The following TSPEAR variants were observed in gnomAD, a reference collection of about 807,000 sequenced individuals.
TSPEAR encodes the protein thrombospondin type laminin G domain and EAR repeats.
TSPEAR carries 69 observed loss-of-function variants against 71.6 expected under a neutral mutation model. The ratio of observed to expected loss-of-function variants is 0.96; its 90% CI spans 0.79 to 1.18. The LOEUF (loss-of-function observed/expected upper bound fraction) is 1.18, where lower values mean the gene tolerates loss of function less well. Among genes scored for constraint, TSPEAR ranks in the 50% most tolerant of loss-of-function variants. The pLI, the probability that TSPEAR is intolerant of heterozygous loss-of-function variation, is 0.00. For missense variants in TSPEAR, 971 were observed against 894.9 expected (o/e 1.09, Z -1.09); for synonymous variants, 402 against 387.2 (o/e 1.04, Z -0.45).
Position 44,499,690 on chromosome 21 carries a change from G to T in TSPEAR, c.*93C>A. ...GATGCCCAGGCCCGGGATGCCCTAGGCTGGGCCCACCTGGACGTCCAGGGT... is the reference window on the plus strand; with the variant it reads ...GATGCCCAGGCCCGGGATGCCCTAGTCTGGGCCCACCTGGACGTCCAGGGT... On this transcript the variant is annotated 3_prime_UTR_variant, in exon 12 of 12. Coordinates refer to ENST00000323084, the MANE Select transcript of TSPEAR (RefSeq NM_144991.3). The T allele has an allele frequency of 7.3e-7, 1 of 1,365,472 alleles. No individual in the cohort carries two copies. The highest frequency in any genetic ancestry group is 9.7e-7 in the Non-Finnish European group (1 of 1,031,368). 84.6% of individuals were successfully genotyped at this position (1,365,472 alleles called of 1,614,324 possible).
chr21:44,642,254 C>T lies in TSPEAR; in HGVS notation c.82+69179G>A, dbSNP rs1569236099. The stretch of plus-strand genomic sequence containing the variant: ...GGAAATGGTATTGAAAAAGCTCATT[C>T]TTCAGAAGGCAGACTCAGATGTTTC... On this transcript the variant is annotated intron_variant, in intron 1 of 11. Coordinates refer to ENST00000323084, the MANE Select transcript of TSPEAR (RefSeq NM_144991.3). This position sits in a 1 kb window ranked among gnomAD's most constrained non-coding sequence, Gnocchi z 4.1. Among the ~76,000 whole-genome samples, 1 of 151,590 alleles carries T rather than the reference C, an allele frequency of 6.6e-6. No individual in the cohort carries two copies. Among genetic ancestry groups the T allele is most frequent in the African/African-American group, 2.4e-5 (1 of 41,506 alleles).
At chr21:44,533,283 C>T (rs1452677163) in intron 3 of TSPEAR, among the ~76,000 whole-genome samples, 1 of 152,248 alleles carries the variant, frequency 6.6e-6, no homozygotes, top group Non-Finnish European at 1.5e-5. Context: ...ACTCTGCCCA[C>T]AGATGGTGAG....
Position 44,601,629 on chromosome 21 carries a change from G to A in TSPEAR, c.83-33624C>T, listed in dbSNP as rs782243289. ...GCTGCGCCCCCACCTCCTCCTGCCA[G>A]GCCAGCTGCTGCCGCCCAGCCTCCT... On this transcript the variant is annotated intron_variant, in intron 1 of 11. Coordinates refer to ENST00000323084, the MANE Select transcript of TSPEAR (RefSeq NM_144991.3). The A allele has an allele frequency of 5.0e-6, 8 of 1,611,922 alleles. No individual in the cohort carries two copies. In the South Asian group the frequency reaches 7.7e-5, roughly 15 times the overall value.
chr21:44,648,109 A>G (rs781950714), intron 1 of TSPEAR, among the ~76,000 whole-genome samples: 3 of 152,266 alleles, frequency 2.0e-5, no homozygotes, highest in Non-Finnish European at 2.9e-5. Context: ...GCTCTGAAGC[A>G]CTAGCAATTT....
At chr21:44,704,891 A>G (rs1601585571) in intron 1 of TSPEAR, among the ~76,000 whole-genome samples, 1 of 152,178 alleles carries the variant, frequency 6.6e-6, no homozygotes. Context: ...AGCGCAGTTT[A>G]ACTACAAAGG....
chr21:44,660,087 C>CAAAGAG (rs1222299129), intron 1 of TSPEAR, among the ~76,000 whole-genome samples: 2 of 151,758 alleles, frequency 1.3e-5, no homozygotes, highest in South Asian at 2.1e-4. Flanking sequence ...AATTAAAACA[C>CAAAGAG]AAAGAGAAAG....
intron 1 of TSPEAR, chr21:44,580,518 C>T (rs1158811720): frequency 6.8e-6 from 11 of 1,613,540 alleles, no homozygotes; most frequent in African/African-American, 2.7e-5. Context: ...TCTGGGCAGT[C>T]GTCCACTCGC....
At chr21:44,568,197 G>A (rs1158650810) in intron 1 of TSPEAR, among the ~76,000 whole-genome samples, 192 bp from the exon 2 acceptor site, 1 of 152,152 alleles carries the variant, frequency 6.6e-6, no homozygotes, top group African/African-American at 2.4e-5. Flanking sequence ...TGCCCGTGTG[G>A]CCTCCCCCCA....
intron 1 of TSPEAR, among the ~76,000 whole-genome samples, chr21:44,662,292 G>A (rs1555943840): frequency 2.0e-5 from 3 of 152,086 alleles, no homozygotes; most frequent in Admixed American, 1.3e-4. Context: ...AAAGTAAACA[G>A]ATGGAAAAAT....
intron 1 of TSPEAR, chr21:44,666,503 G>A (rs782157129): frequency 9.3e-6 from 15 of 1,611,794 alleles, no homozygotes; most frequent in Admixed American, 6.7e-5. Flanking sequence ...TGGTGCAGGA[G>A]GGCTGGCAGC....
At chr21:44,540,657 G>A (rs974518900) in intron 2 of TSPEAR, among the ~76,000 whole-genome samples, 13 of 152,226 alleles carry the variant, frequency 8.5e-5, no homozygotes, top group African/African-American at 1.7e-4. Flanking sequence ...TGGAGCAGCC[G>A]GAGAGAAGGT....
intron 1 of TSPEAR, among the ~76,000 whole-genome samples, chr21:44,647,927 G>A (rs1221465615): frequency 2.6e-5 from 4 of 152,204 alleles, no homozygotes; most frequent in South Asian, 2.1e-4. Context: ...TGGGCCACCC[G>A]CCCATGCCTG....
Position 44,697,819 on chromosome 21 carries a change from C to T in TSPEAR, c.82+13614G>A, listed in dbSNP as rs1427856529. ...TCTGCCGCCCTGTGTGCAGACCCGC[C>T]CGCCGCGTGCCCGTCCCCTCCTGCT... On this transcript the variant is annotated intron_variant, in intron 1 of 11. Coordinates refer to ENST00000323084, the MANE Select transcript of TSPEAR (RefSeq NM_144991.3). 15 of 1,613,556 alleles carry T rather than the reference C, an allele frequency of 9.3e-6. No homozygotes were observed. The African/African-American group carries it at 2.0e-4, about 22-fold the overall frequency.
intron 1 of TSPEAR, among the ~76,000 whole-genome samples, chr21:44,653,567 G>C (rs1006172618): frequency 2.6e-5 from 4 of 152,206 alleles, no homozygotes; most frequent in Non-Finnish European, 5.9e-5. Context: ...CCATCCAGTT[G>C]GATGAAGGAG....
intron 1 of TSPEAR, among the ~76,000 whole-genome samples, chr21:44,572,776 T>A (rs960194736): frequency 2.0e-5 from 3 of 151,150 alleles, no homozygotes; most frequent in African/African-American, 7.3e-5. Flanking sequence ...AAGAGGAGGC[T>A]GTTAGGATAG....
intron 1 of TSPEAR, among the ~76,000 whole-genome samples, chr21:44,585,583 AT>A (rs1979284722): frequency 6.6e-6 from 1 of 151,782 alleles, no homozygotes; most frequent in South Asian, 2.1e-4. Flanking sequence ...GTCCTTCTGC[AT>A]TGGGTTTCGG....
At chr21:44,588,292 T>A (rs1979473788) in intron 1 of TSPEAR, among the ~76,000 whole-genome samples, 1 of 152,132 alleles carries the variant, frequency 6.6e-6, no homozygotes. Context: ...ACATCACTAA[T>A]GATGAAGGAA....
intron 1 of TSPEAR, among the ~76,000 whole-genome samples, chr21:44,624,886 A>T (rs1209169824): frequency 6.6e-6 from 1 of 152,056 alleles, no homozygotes; most frequent in African/African-American, 2.4e-5. Flanking sequence ...GGATTCACTC[A>T]CTCAAGTCTC....
At chr21:44,627,817 C>T in intron 1 of TSPEAR, 1 of 1,611,196 alleles carries the variant, frequency 6.2e-7, no homozygotes, top group East Asian at 2.2e-5. Flanking sequence ...GTCTGGCTGC[C>T]AGCCGGCTTG....
Sources: allele counts gnomAD v4.1 joint callset (sites outside exome capture counted in the v4.1 genomes callset), GRCh38; gene constraint gnomAD v4.1.1; non-coding constraint Gnocchi (gnomAD v3.1); transcripts MANE v1.5; gene names NCBI Gene and HGNC (gene_info 2026-07-23, HGNC 2026-07-21).